Variants in SRBD1 observed in about 807,000 individuals in gnomAD.
SRBD1 encodes S1 RNA binding domain 1.
Under a neutral mutation model 115.3 loss-of-function variants are expected in SRBD1, and 88 were observed. That is an observed-to-expected ratio of 0.76 (90% CI 0.64 to 0.91). SRBD1 has a LOEUF of 0.91. SRBD1 is among the 40% of genes least tolerant of loss of function. The pLI, the probability that SRBD1 is intolerant of heterozygous loss-of-function variation, is 0.00. For synonymous variants in SRBD1, 509 were observed against 407.7 expected (o/e 1.25, Z -2.99); for missense variants, 1,385 against 1,177.4 (o/e 1.18, Z -2.58).
At position 45,483,270 on chromosome 2, in the gene SRBD1, CAATT is replaced by C. The variant is rs760990729; in HGVS notation, c.1966+4966_1966+4969del. On this transcript the variant is annotated intron_variant, in intron 15 of 20. Transcript: ENST00000263736. ...ACATAGGTCAATGTATAGAGGAAGACAATTAATATGGGATATTAATAGAAAAAGT... is the reference window on the plus strand; with the variant it reads ...ACATAGGTCAATGTATAGAGGAAGACAATATGGGATATTAATAGAAAAAGT... Among the ~76,000 whole-genome samples the C allele has an allele frequency of 1.3e-3, 193 of 151,894 alleles. 2 individuals are homozygous for C. The highest frequency in any genetic ancestry group is 3.6e-3 in the Admixed American group (55 of 15,240).
chr2:45,453,257 A>G (rs1382255231), intron 16 of SRBD1, among the ~76,000 whole-genome samples: 22 of 141,912 alleles, frequency 1.6e-4, no homozygotes, highest in African/African-American at 5.7e-4. Flanking sequence ...TGACTTCAAC[A>G]CTGCTATAAG....
At chr2:45,564,436 T>G (rs1376112690) in intron 9 of SRBD1, among the ~76,000 whole-genome samples, 1 of 152,212 alleles carries the variant, frequency 6.6e-6, no homozygotes, top group South Asian at 2.1e-4. Context: ...GGAGGCCATC[T>G]ATATTGGAAA....
intron 8 of SRBD1, 80 bp from the exon 9 acceptor site, chr2:45,573,422 G>A: frequency 1.4e-6 from 2 of 1,465,602 alleles, no homozygotes; most frequent in Non-Finnish European, 1.8e-6. Context: ...AATAAGGATA[G>A]CAAAAAAAGT....
intron 15 of SRBD1, among the ~76,000 whole-genome samples, chr2:45,483,116 A>G (rs1670016025): frequency 6.6e-6 from 1 of 152,172 alleles, no homozygotes; most frequent in South Asian, 2.1e-4. Context: ...AATTAAAGCA[A>G]GGCATATTAT....
At chr2:45,519,973 T>A (rs1365677076) in intron 14 of SRBD1, among the ~76,000 whole-genome samples, 3 of 152,180 alleles carry the variant, frequency 2.0e-5, no homozygotes, top group African/African-American at 7.2e-5. Flanking sequence ...TGATTCAAAC[T>A]CAGGCAGATC....
At chr2:45,452,939 G>A (rs545155982) in intron 16 of SRBD1, among the ~76,000 whole-genome samples, 4 of 152,124 alleles carry the variant, frequency 2.6e-5, no homozygotes, top group African/African-American at 9.6e-5. Context: ...GCATTCATCT[G>A]CATTCCCTGT....
intron 10 of SRBD1, among the ~76,000 whole-genome samples, chr2:45,555,051 A>G (rs1460552502): frequency 6.6e-6 from 1 of 150,514 alleles, no homozygotes; most frequent in Non-Finnish European, 1.5e-5. Context: ...CCAATCAAAG[A>G]CCACAAATTT....
intron 16 of SRBD1, among the ~76,000 whole-genome samples, chr2:45,453,429 A>T (rs1271830203): frequency 1.3e-5 from 2 of 151,904 alleles, no homozygotes; most frequent in African/African-American, 4.8e-5. Context: ...TTTTTTCCAC[A>T]TTATAGTATA....
At chr2:45,436,431 A>G (rs141693904) in intron 16 of SRBD1, among the ~76,000 whole-genome samples, 27 of 152,354 alleles carry the variant, frequency 1.8e-4, no homozygotes, top group African/African-American at 6.3e-4. Flanking sequence ...GAAAAGTTAT[A>G]TAAGATTGTG....
chr2:45,440,696 A>G (rs1296803007), intron 16 of SRBD1, among the ~76,000 whole-genome samples: 1 of 152,224 alleles, frequency 6.6e-6, no homozygotes. Context: ...AGAAAAATCA[A>G]GAGTGCAAAC....
chr2:45,466,757 G>A (rs1669500800), intron 16 of SRBD1, among the ~76,000 whole-genome samples: 1 of 152,160 alleles, frequency 6.6e-6, no homozygotes, highest in Non-Finnish European at 1.5e-5. Flanking sequence ...ATACTGGCAT[G>A]TCCTAATTTT....
Position 45,540,461 on chromosome 2 carries a change from G to C in SRBD1, c.1874+6271C>G, listed in dbSNP as rs555144252. On this transcript the variant is annotated intron_variant, in intron 14 of 20. Coordinates refer to ENST00000263736, the MANE Select transcript of SRBD1 (RefSeq NM_018079.5). ...AACAGAAGAAAATCACAGTAACCTT[G>C]ATTTTGCCAAAATTTCCAGAATAGA... Among the ~76,000 whole-genome samples the C allele has an allele frequency of 3.3e-5, 5 of 151,640 alleles. No individual in the cohort carries two copies. In the South Asian group the frequency reaches 8.3e-4, roughly 25 times the overall value.
chr2:45,523,788 A>G (rs1348189649), intron 14 of SRBD1, among the ~76,000 whole-genome samples: 1 of 151,942 alleles, frequency 6.6e-6, no homozygotes, highest in Non-Finnish European at 1.5e-5. Flanking sequence ...AAACTCTTCC[A>G]AAAAACAGGA....
intron 4 of SRBD1, among the ~76,000 whole-genome samples, chr2:45,596,945 CA>C (rs1673915951): frequency 1.3e-5 from 2 of 148,384 alleles, no homozygotes; most frequent in African/African-American, 5.0e-5. Flanking sequence ...CACACACACA[CA>C]CACACCCACA....
At chr2:45,548,514 T>C (rs1426252592) in intron 12 of SRBD1, among the ~76,000 whole-genome samples, 2 of 152,102 alleles carry the variant, frequency 1.3e-5, no homozygotes, top group Non-Finnish European at 2.9e-5. Context: ...AATATAGATG[T>C]GTTTGTGACA....
intron 14 of SRBD1, among the ~76,000 whole-genome samples, chr2:45,510,807 T>C (rs1356195856): frequency 1.3e-5 from 2 of 152,194 alleles, no homozygotes; most frequent in Admixed American, 6.5e-5. Flanking sequence ...TCTATTGATA[T>C]GTAAAATTAG....
At chr2:45,580,042 T>A (rs1042752362) in intron 6 of SRBD1, 29 bp from the exon 7 acceptor site, 2 of 1,449,574 alleles carry the variant, frequency 1.4e-6, no homozygotes, top group South Asian at 1.5e-5. Context: ...AAACATATGA[T>A]TATGTTTTAA....
chr2:45,539,976 G>A (rs965473075), intron 14 of SRBD1, among the ~76,000 whole-genome samples: 44 of 152,190 alleles, frequency 2.9e-4, no homozygotes, highest in South Asian at 1.0e-3. Flanking sequence ...AATATAGCCA[G>A]GAAAAAAGTG....
chr2:45,391,425 T>G (rs1666995608), intron 20 of SRBD1, among the ~76,000 whole-genome samples: 1 of 152,158 alleles, frequency 6.6e-6, no homozygotes, highest in Non-Finnish European at 1.5e-5. Flanking sequence ...GAAATACTTT[T>G]GAGAAAATGG....
Sources: gnomAD v4.1 joint callset for allele counts (sites outside exome capture counted in the v4.1 genomes callset) on GRCh38, gnomAD v4.1.1 for gene constraint, MANE v1.5 for transcripts, NCBI Gene and HGNC (gene_info 2026-07-23, HGNC 2026-07-21) for gene names.